PCDH15: variants seen among roughly 807,000 people sequenced by gnomAD.
The protein encoded by PCDH15 is protocadherin-15.
PCDH15 carries 129 observed loss-of-function variants against 178.5 expected under a neutral mutation model. That is an observed-to-expected ratio of 0.72 (90% CI 0.63 to 0.84). The LOEUF (loss-of-function observed/expected upper bound fraction) is 0.84. PCDH15 is among the 40% of genes least tolerant of loss of function. PCDH15 has a pLI of 0.00. For missense variants in PCDH15, 2,230 were observed against 2,099.9 expected, an observed-to-expected ratio of 1.06 and a Z score of -1.21; for synonymous variants, 800 against 732.0, an observed-to-expected ratio of 1.09 and a Z score of -1.50.
intron 20 of PCDH15, among the ~76,000 whole-genome samples, chr10:54,003,381 A>T (rs1017288046): frequency 6.6e-6 from 1 of 152,154 alleles, no homozygotes; most frequent in Non-Finnish European, 1.5e-5. Flanking sequence ...ACTAAAAAAG[A>T]AGAGAGAAGA....
At chr10:54,698,931 GA>G (rs1565974543) in intron 1 of PCDH15, among the ~76,000 whole-genome samples, 1 of 152,220 alleles carries the variant, frequency 6.6e-6, no homozygotes, top group East Asian at 1.9e-4. Context: ...GTGTCCTCAA[GA>G]AGGGTTCCTT....
In PCDH15 at chr10:54,865,425, G is replaced by A. The variant is rs1055190595; in HGVS notation, c.-29+32025C>T. On this transcript the variant is annotated intron_variant, in intron 3 of 5. Coordinates refer to the PCDH15 transcript ENST00000458638. The stretch of plus-strand genomic sequence containing the variant: ...CTGTGCTGACAGCTTTTGTACTTTT[G>A]AGGATTTGGAACTCAGACTGAGCCA... Among the ~76,000 whole-genome samples the A allele has an allele frequency of 2.6e-5, 4 of 152,160 alleles. No individual in the cohort carries two copies. In the East Asian group the frequency reaches 7.7e-4, roughly 29 times the overall value.
chr10:54,756,657 G>A (rs977600376), intron 1 of PCDH15, among the ~76,000 whole-genome samples: 2 of 151,924 alleles, frequency 1.3e-5, no homozygotes, highest in Non-Finnish European at 2.9e-5. Flanking sequence ...AAACAAACCA[G>A]TCATTTATGT....
chr10:55,554,912 G>C (rs1056553365), intron 2 of PCDH15, among the ~76,000 whole-genome samples: 13 of 151,884 alleles, frequency 8.6e-5, no homozygotes, highest in African/African-American at 2.9e-4. Flanking sequence ...ATACTGGCCA[G>C]GTATGTTATA....
At chr10:54,405,575 C>G (rs1952540994) in intron 3 of PCDH15, among the ~76,000 whole-genome samples, 1 of 145,998 alleles carries the variant, frequency 6.8e-6, no homozygotes, top group African/African-American at 2.8e-5. Flanking sequence ...GGAAGAATAA[C>G]TAGTAGGTAC....
intron 1 of PCDH15, among the ~76,000 whole-genome samples, chr10:54,724,268 A>T (rs1591295345): frequency 1.3e-5 from 2 of 151,818 alleles, no homozygotes; most frequent in South Asian, 2.1e-4. Flanking sequence ...TCATTATCCT[A>T]AGTGAACTCA....
Position 55,108,294 on chromosome 10 carries a change from C to G in PCDH15, c.-80+58282G>C, listed in dbSNP as rs561314844. The stretch of plus-strand genomic sequence containing the variant: ...AAATTATCCAAGATACAGAAAGGCC[C>G]TAAGTATGCATGTGCTCATTATAGC... On this transcript the variant is annotated intron_variant, in intron 2 of 5. Coordinates refer to the PCDH15 transcript ENST00000458638. Among the ~76,000 whole-genome samples, 27 of 152,202 alleles carry G rather than the reference C, an allele frequency of 1.8e-4. 1 individual carries two copies. The South Asian group carries it at 5.6e-3, about 32-fold the overall frequency.
chr10:54,928,625 C>T (rs761692974), intron 2 of PCDH15, among the ~76,000 whole-genome samples: 7 of 152,018 alleles, frequency 4.6e-5, no homozygotes, highest in Middle Eastern at 3.2e-3. Context: ...TTGGCGGTTT[C>T]GTTCATTCCT....
chr10:53,925,853 A>T (rs543140112), intron 25 of PCDH15, among the ~76,000 whole-genome samples: 2 of 152,172 alleles, frequency 1.3e-5, no homozygotes, highest in Non-Finnish European at 2.9e-5. Context: ...TGGTTTTCTC[A>T]CTTAAGCCTC....
chr10:54,457,587 ATTTT>A (rs1244191306), intron 3 of PCDH15, among the ~76,000 whole-genome samples: 4 of 151,952 alleles, frequency 2.6e-5, no homozygotes, highest in Middle Eastern at 6.8e-3. Flanking sequence ...GTAAAATTTT[ATTTT>A]TTTTCTTCTG....
intron 2 of PCDH15, among the ~76,000 whole-genome samples, chr10:55,576,549 A>G (rs769906083): frequency 6.6e-6 from 1 of 152,216 alleles, no homozygotes; most frequent in Non-Finnish European, 1.5e-5. Flanking sequence ...AATACTCCCA[A>G]ATGGGGTAAT....
intron 2 of PCDH15, among the ~76,000 whole-genome samples, chr10:54,916,305 A>G (rs1954900131): frequency 6.6e-6 from 1 of 152,196 alleles, no homozygotes; most frequent in Non-Finnish European, 1.5e-5. Flanking sequence ...TTGTCTCCCC[A>G]AGGTGCATAT....
At chr10:53,938,381 CAATA>C (rs1482121710) in intron 25 of PCDH15, among the ~76,000 whole-genome samples, 2 of 152,062 alleles carry the variant, frequency 1.3e-5, no homozygotes, top group Admixed American at 6.6e-5. Flanking sequence ...ATATAAATTA[CAATA>C]AATGTTAGTC....
intron 2 of PCDH15, among the ~76,000 whole-genome samples, chr10:55,402,261 T>C (rs554735435): frequency 6.6e-6 from 1 of 152,206 alleles, no homozygotes; most frequent in Non-Finnish European, 1.5e-5. Flanking sequence ...TAATTACATA[T>C]ATTTATGGGG....
intron 18 of PCDH15, among the ~76,000 whole-genome samples, chr10:54,035,350 G>A (rs1357170068): frequency 6.6e-6 from 1 of 151,834 alleles, no homozygotes; most frequent in African/African-American, 2.4e-5. Flanking sequence ...TTCCAACAGC[G>A]TGTGCTCATT....
At chr10:54,380,425 G>A (rs145093222) in intron 3 of PCDH15, among the ~76,000 whole-genome samples, 334 of 150,858 alleles carry the variant, frequency 2.2e-3, no homozygotes, top group Admixed American at 3.9e-3. Context: ...TATATTCAAG[G>A]CCCCAGTACA....
At chr10:55,310,293 G>T (rs1843552115) in intron 1 of PCDH15, among the ~76,000 whole-genome samples, 1 of 151,940 alleles carries the variant, frequency 6.6e-6, no homozygotes, top group Admixed American at 6.6e-5. Flanking sequence ...GACACATAAT[G>T]GGTTCTTAAT....
chr10:54,802,636 A>T (rs761120576), upstream of PCDH15, among the ~76,000 whole-genome samples: 2 of 152,238 alleles, frequency 1.3e-5, no homozygotes, highest in African/African-American at 4.8e-5. Flanking sequence ...TACATGTTTA[A>T]ATAATGAGCA....
intron 2 of PCDH15, among the ~76,000 whole-genome samples, chr10:55,409,152 C>G (rs540769332): frequency 6.6e-6 from 1 of 152,204 alleles, no homozygotes; most frequent in Admixed American, 6.5e-5. Context: ...TAAGACCTCT[C>G]TCCTGAATTT....
Sources: allele counts gnomAD v4.1 joint callset (sites outside exome capture counted in the v4.1 genomes callset), GRCh38; gene constraint gnomAD v4.1.1; transcripts MANE v1.5; gene names NCBI Gene and HGNC (gene_info 2026-07-23, HGNC 2026-07-21).